Variants in RAD51AP2 observed in about 807,000 individuals in gnomAD.
The protein encoded by RAD51AP2 is RAD51-associated protein 2.
RAD51AP2 carries 67 observed loss-of-function variants against 85.5 expected under a neutral mutation model. The ratio of observed to expected loss-of-function variants is 0.78; its 90% CI spans 0.64 to 0.96. The LOEUF (loss-of-function observed/expected upper bound fraction) is 0.96. Ranked by LOEUF, RAD51AP2 falls within the 40% of genes least tolerant of loss-of-function variation. RAD51AP2 has a pLI of 0.00. For synonymous variants in RAD51AP2, 474 were observed against 446.5 expected, an observed-to-expected ratio of 1.06 and a Z score of -0.78; for missense variants, 1,307 against 1,332.4, an observed-to-expected ratio of 0.98 and a Z score of 0.30.
the RAD51AP2 span, among the ~76,000 whole-genome samples, chr2:17,529,715 A>C: frequency 6.6e-6 from 1 of 152,236 alleles, no homozygotes; most frequent in African/African-American, 2.4e-5. Context: ...AATGAAGAAA[A>C]TATCACCCTG....
chr2:17,516,469 T>C lies in RAD51AP2; in HGVS notation c.1947A>G (p.Lys649=), dbSNP rs1662671999. 3.9e-6 allele frequency: 6 copies of C among 1,552,688 alleles called. No homozygotes were observed. The highest frequency in any genetic ancestry group is 5.3e-6 in the Non-Finnish European group (6 of 1,142,462). The change falls in exon 1 of 3, where the codon AAA becomes AAG. Residue 649 remains lysine, a synonymous_variant. Coordinates refer to ENST00000399080, the MANE Select transcript of RAD51AP2 (RefSeq NM_001099218.3). ...CTTGTTCAGTTCTAAATAACTTCCT[T>C]TTCTTTAACATAGGTTTCATATTAT... ...LEDNMKPMLK[K]RKLFRTEQVF... is the part of the protein sequence containing the mutation.
chr2:17,515,412 C>A lies in RAD51AP2; in HGVS notation c.3004G>T (p.Gly1002Ter), dbSNP rs1490863350. Residue 1002 changes from glycine (G) to a stop codon, truncating the protein, a stop_gained, in exon 1 of 3, where the codon GGA (glycine) becomes TGA (stop). Coordinates refer to ENST00000399080, the MANE Select transcript of RAD51AP2 (RefSeq NM_001099218.3). LOFTEE classifies it high-confidence loss of function. ...ETNNGQENYF[G>*]ENDAEKVKME... The stretch of plus-strand genomic sequence containing the variant: ...TTTACCTTCTCAGCATCATTTTCTC[C>A]AAAGTAATTTTCTTGCCCATTGTTT... The A allele has an allele frequency of 1.2e-6, 2 of 1,611,914 alleles. No homozygotes were observed. The highest frequency in any genetic ancestry group is 2.7e-5 in the African/African-American group (2 of 74,790).
the RAD51AP2 span, among the ~76,000 whole-genome samples, chr2:17,530,121 A>C: frequency 2.0e-5 from 3 of 152,206 alleles, no homozygotes; most frequent in African/African-American, 7.2e-5. Context: ...TCTCTGGAGA[A>C]GATTCTATCA....
chr2:17,515,020 A>G, intron 1 of RAD51AP2, 149 bp downstream of exon 1: 1 of 634,320 alleles, frequency 1.6e-6, no homozygotes, highest in Non-Finnish European at 2.6e-6. Context: ...AAAAAAAAAA[A>G]GAAAGAAAAT....
chr2:17,517,669 G>T lies in RAD51AP2; in HGVS notation c.747C>A (p.Ser249Arg). The change falls in exon 1 of 3, where the codon AGC (serine) becomes AGA (arginine). Residue 249 changes from serine to arginine, a missense_variant. Physicochemically the swap from Ser to Arg is moderately radical, Grantham distance 110 (BLOSUM62 -1). Coordinates refer to ENST00000399080, the MANE Select transcript of RAD51AP2 (RefSeq NM_001099218.3). ...NQPSLEIAKP[S>R]YFRDSGTISV... ...TTATTGTGCCGCTATCTCTAAAATA[G>T]CTAGGTTTGGCAATTTCCAAGCTGG... The T allele has an allele frequency of 1.2e-6, 2 of 1,613,574 alleles. No homozygotes were observed. Among genetic ancestry groups the T allele is most frequent in the Non-Finnish European group, 1.7e-6 (2 of 1,179,880 alleles).
the RAD51AP2 span, among the ~76,000 whole-genome samples, chr2:17,537,235 T>A: frequency 6.6e-6 from 1 of 151,908 alleles, no homozygotes; most frequent in South Asian, 2.1e-4. Context: ...GGCGGGAGGA[T>A]CACTTGAGCC....
At position 17,510,867 on chromosome 2, in the gene RAD51AP2, C is replaced by A. The variant is rs772869417; in HGVS notation, c.3417G>T (p.Arg1139Ser). 3 of 1,608,730 alleles carry A rather than the reference C, an allele frequency of 1.9e-6. No individual in the cohort carries two copies. The highest frequency in any genetic ancestry group is 2.2e-5 in the East Asian group (1 of 44,652). The change falls in exon 3 of 3, where the codon AGG becomes AGT. Residue 1139 changes from arginine (R) to serine (S), a missense_variant. Physicochemically the swap from Arg to Ser is moderately radical, Grantham distance 110 (BLOSUM62 -1). Coordinates refer to ENST00000399080, the MANE Select transcript of RAD51AP2 (RefSeq NM_001099218.3). ...PIRIGLSRKARIKQLHPYLKQ... is the reference protein window; with the variant it reads ...PIRIGLSRKASIKQLHPYLKQ... ...TCAGATAAGGATGAAGTTGTTTAAT[C>A]CTTGCTTTTCTTGACAAACCAATCC...
intron 2 of RAD51AP2, among the ~76,000 whole-genome samples, chr2:17,511,471 C>T (rs1048095469): frequency 7.2e-5 from 11 of 152,162 alleles, no homozygotes; most frequent in African/African-American, 2.7e-4. Flanking sequence ...TCGAAGATGT[C>T]CAAAACAGTT....
upstream of RAD51AP2, among the ~76,000 whole-genome samples, chr2:17,520,507 GTAA>G: frequency 6.6e-6 from 1 of 151,934 alleles, no homozygotes; most frequent in African/African-American, 2.4e-5. Flanking sequence ...ACCTTCCTTA[GTAA>G]CAGTAAACTG....
chr2:17,533,810 G>T, the RAD51AP2 span, among the ~76,000 whole-genome samples: 1 of 152,162 alleles, frequency 6.6e-6, no homozygotes, highest in African/African-American at 2.4e-5. Context: ...AGCTACTTGG[G>T]AGGCTGAAGC....
chr2:17,516,378 G>GA lies in RAD51AP2; in HGVS notation c.2037dup (p.Pro680SerfsTer4). On this transcript the variant is annotated frameshift_variant, in exon 1 of 3. Transcript: ENST00000399080. LOFTEE classifies it high-confidence loss of function. ...ATTTTTTCATATGTTTCAAAAATCG[G>GA]AAAACCTGTATTTTGAGTTGTCATA... 1 of 1,611,746 alleles carries GA rather than the reference G, an allele frequency of 6.2e-7. No individual in the cohort carries two copies. Among genetic ancestry groups the GA allele is most frequent in the East Asian group, 2.2e-5 (1 of 44,774 alleles).
At chr2:17,513,420 G>A (rs2103304908) in intron 2 of RAD51AP2, among the ~76,000 whole-genome samples, 1 of 151,892 alleles carries the variant, frequency 6.6e-6, no homozygotes, top group East Asian at 1.9e-4. Flanking sequence ...ATTATTTTTA[G>A]TAGAAATGGG....
upstream of RAD51AP2, among the ~76,000 whole-genome samples, chr2:17,521,541 TAGAA>T (rs1662856377): frequency 6.6e-6 from 1 of 152,038 alleles, no homozygotes; most frequent in Non-Finnish European, 1.5e-5. Flanking sequence ...ATACAGCAGT[TAGAA>T]AGGAAAACAT....
rs1291695118 is a variant in RAD51AP2 at position 17,515,634 on chromosome 2, T to C, written c.2782A>G (p.Asn928Asp). The change falls in exon 1 of 3, where the codon AAT (asparagine) becomes GAT (aspartate). Residue 928 changes from asparagine (N) to aspartate (D), a missense_variant. Coordinates refer to ENST00000399080, the MANE Select transcript of RAD51AP2 (RefSeq NM_001099218.3). Reference sequence around the variant, plus strand: ...CTCAGACCAGTTTCAAATTGATGATTAATATATAATGCAGAGTCATTCTTT... The same window carrying C: ...CTCAGACCAGTTTCAAATTGATGATCAATATATAATGCAGAGTCATTCTTT... ...HRKNDSALYINHQFETGLSEG... is the reference protein window; with the variant it reads ...HRKNDSALYIDHQFETGLSEG... The C allele has an allele frequency of 1.2e-5, 19 of 1,612,152 alleles. No homozygotes were observed. The highest frequency in any genetic ancestry group is 1.6e-5 in the Non-Finnish European group (19 of 1,179,344).
chr2:17,534,834 GATA>G, the RAD51AP2 span, among the ~76,000 whole-genome samples: 5 of 152,146 alleles, frequency 3.3e-5, no homozygotes, highest in African/African-American at 9.7e-5. Flanking sequence ...TTATTTGCAT[GATA>G]ATAATTTAAT....
At chr2:17,532,409 C>T in the RAD51AP2 span, among the ~76,000 whole-genome samples, 2 of 152,092 alleles carry the variant, frequency 1.3e-5, no homozygotes, top group Non-Finnish European at 2.9e-5. Flanking sequence ...ACGCAGCATT[C>T]TCCCTGCCTG....
chr2:17,519,868 A>T (rs970454278), upstream of RAD51AP2, among the ~76,000 whole-genome samples: 4 of 152,294 alleles, frequency 2.6e-5, no homozygotes, highest in Admixed American at 6.5e-5. Flanking sequence ...ATAAGGGGTG[A>T]CTTGTATAGC....
In RAD51AP2 at chr2:17,517,739, T is replaced by C; in HGVS notation, c.677A>G (p.Asn226Ser). ...TATTTTTAGTACAGATGATGAAATG[T>C]TATTTTCTCTTTTATTTGATGGCAC... ...SVVPSNKREN[N>S]ISSSVLKISK... is the part of the protein sequence containing the mutation. The change falls in exon 1 of 3, where the codon AAC becomes AGC. Residue 226 changes from asparagine (N) to serine (S), a missense_variant. This residue lies in a region of RAD51AP2 where 635 missense variants were observed against 643.6 expected (regional missense o/e 0.99). Transcript: ENST00000399080. 1 of 1,613,594 alleles carries C rather than the reference T, an allele frequency of 6.2e-7. No homozygotes were observed. The highest frequency in any genetic ancestry group is 8.5e-7 in the Non-Finnish European group (1 of 1,179,864).
chr2:17,537,449 T>A, the RAD51AP2 span, among the ~76,000 whole-genome samples: 3 of 152,248 alleles, frequency 2.0e-5, no homozygotes, highest in African/African-American at 7.2e-5. Flanking sequence ...ATTACTATCA[T>A]TATTCTTTAA....
Sources: gnomAD v4.1 joint callset for allele counts (sites outside exome capture counted in the v4.1 genomes callset) on GRCh38, gnomAD v4.1.1 for gene constraint, gnomAD v4.1.1 regional missense constraint, MANE v1.5 for transcripts, NCBI Gene and HGNC (gene_info 2026-07-23, HGNC 2026-07-21) for gene names.